LTA4H: variants seen among roughly 807,000 people sequenced by gnomAD.
LTA4H encodes leukotriene A-4 hydrolase.
A neutral mutation model predicts 89.8 loss-of-function variants in LTA4H; 59 were observed. That is an observed-to-expected ratio of 0.66 (90% CI 0.53 to 0.82). The LOEUF is 0.82. Among genes scored for constraint, LTA4H ranks in the 40% least tolerant of loss-of-function variants. The pLI is 0.00. For missense variants in LTA4H, 617 were observed against 727.0 expected, an observed-to-expected ratio of 0.85 and a Z score of 1.74; for synonymous variants, 227 against 253.1, an observed-to-expected ratio of 0.90 and a Z score of 0.98.
intron 12 of LTA4H, 158 bp from the exon 13 acceptor site, chr12:96,014,011 A>C: frequency 1.9e-6 from 1 of 527,488 alleles, no homozygotes; most frequent in South Asian, 2.8e-5. Flanking sequence ...TGTTCAAAAA[A>C]GGAGGTGGGA....
In LTA4H at chr12:96,022,313, A is replaced by G; in HGVS notation, c.481-62T>C. On this transcript the variant is annotated intron_variant, in intron 4 of 18. Coordinates refer to ENST00000228740, the MANE Select transcript of LTA4H (RefSeq NM_000895.3). The surrounding 1 kb of genome is among the most constrained non-coding windows in gnomAD (Gnocchi z 4.0). ...AAAGCTTCTATGTGTCTTAAACCAT[A>G]TATGTAAAATAACCTTTTCTTCCCA... The G allele has an allele frequency of 9.5e-7, 1 of 1,055,972 alleles. No individual in the cohort carries two copies. The highest frequency in any genetic ancestry group is 1.4e-6 in the Non-Finnish European group (1 of 697,550). 65.4% of individuals were successfully genotyped at this position (1,055,972 alleles called of 1,614,324 possible).
chr12:96,037,797 G>A (rs903630768), upstream of LTA4H, among the ~76,000 whole-genome samples: 1 of 145,646 alleles, frequency 6.9e-6, no homozygotes, highest in South Asian at 2.2e-4. Context: ...GGTTCACACC[G>A]TTCTCCTGCC....
At chr12:96,017,523 G>A (rs1950395847) in intron 9 of LTA4H, 34 bp downstream of exon 9, 1 of 1,583,360 alleles carries the variant, frequency 6.3e-7, no homozygotes, top group Non-Finnish European at 8.7e-7. Context: ...AATACTTCTT[G>A]AAGGTAAGGC....
At chr12:96,034,327 C>G (rs994284634) in intron 1 of LTA4H, among the ~76,000 whole-genome samples, 1 of 152,092 alleles carries the variant, frequency 6.6e-6, no homozygotes, top group African/African-American at 2.4e-5. Context: ...TGAAAGGTAC[C>G]TTCAGATGAA....
chr12:96,004,067 C>T (rs1188624173), intron 16 of LTA4H, 147 bp from the exon 17 acceptor site: 3 of 401,044 alleles, frequency 7.5e-6, no homozygotes, highest in Non-Finnish European at 1.3e-5. Context: ...AAACAAATTG[C>T]ACACTAAGTA....
At chr12:96,016,679 T>C (rs1290660655) in intron 10 of LTA4H, among the ~76,000 whole-genome samples, 2 of 151,846 alleles carry the variant, frequency 1.3e-5, no homozygotes, top group African/African-American at 4.8e-5. Context: ...GGTGGGTGGA[T>C]TGCCTGAGCT....
rs141144742 is a variant in LTA4H at position 96,002,302 on chromosome 12, C to T, written c.1718+658G>A. 8.5e-3 allele frequency among the ~76,000 whole-genome samples: 1,289 copies of T among 152,158 alleles called. 22 individuals carry two copies. Among genetic ancestry groups the T allele is most frequent in the African/African-American group, 0.029 (1,209 of 41,518 alleles). ...AAAAAGAGATAATGACTTATTTTGC[C>T]AAGTTTTATGATATTATATGGCCAT... is the stretch of plus-strand genomic sequence containing the variant. On this transcript the variant is annotated intron_variant, in intron 18 of 18. Transcript: ENST00000228740.
chr12:96,035,238 G>C, intron 1 of LTA4H, 123 bp downstream of exon 1: 1 of 960,406 alleles, frequency 1.0e-6, no homozygotes, highest in Non-Finnish European at 1.5e-6. Context: ...AAGAGCAGAC[G>C]GGGACGTGGG....
chr12:96,011,016 A>T (rs1368821188), intron 14 of LTA4H: 1 of 152,234 alleles, frequency 6.6e-6, no homozygotes, highest in African/African-American at 2.4e-5. Context: ...CTCTCTTTAC[A>T]GAATTCCCGG....
At chr12:96,005,237 C>T (rs1950179482) in intron 16 of LTA4H, among the ~76,000 whole-genome samples, 1 of 152,100 alleles carries the variant, frequency 6.6e-6, no homozygotes, top group Admixed American at 6.5e-5. Context: ...TCACAGAGCT[C>T]TGTGCTTTCA....
At chr12:96,026,621 A>C (rs904392906) in intron 3 of LTA4H, among the ~76,000 whole-genome samples, 2 of 152,224 alleles carry the variant, frequency 1.3e-5, no homozygotes, top group African/African-American at 4.8e-5. Context: ...GGCCATAGAA[A>C]GTAAACAGGT....
rs1447625745 is a variant in LTA4H at position 96,029,242 on chromosome 12, A to T, written c.160-57T>A. 4 of 975,002 alleles carry T rather than the reference A, an allele frequency of 4.1e-6. No homozygotes were observed. In the East Asian group the frequency reaches 1.1e-4, roughly 27 times the overall value. 60.4% of individuals were successfully genotyped at this position (975,002 alleles called of 1,614,324 possible). A position where few individuals can be genotyped will look rare whatever the true frequency, so the allele number is the denominator to read the frequency against. On this transcript the variant is annotated intron_variant, in intron 1 of 18. Transcript: ENST00000228740. ...TAGTTTCATTTACCAGAAAAAACTC[A>T]TATTAGATATAGGCTACAACAACTA...
chr12:96,036,493 C>T (rs1950648719), upstream of LTA4H, among the ~76,000 whole-genome samples: 1 of 152,164 alleles, frequency 6.6e-6, no homozygotes, highest in South Asian at 2.1e-4. Context: ...AAAGCATGGT[C>T]AGACTCATGT....
At chr12:96,013,905 A>G in intron 12 of LTA4H, 52 bp from the exon 13 acceptor site, 5 of 828,308 alleles carry the variant, frequency 6.0e-6, no homozygotes, top group Non-Finnish European at 1.0e-5. Context: ...ATTATTTGAC[A>G]TTTTGTGTGC....
Position 96,035,562 on chromosome 12 carries a change from C to A in LTA4H, c.-43G>T. 2.6e-6 allele frequency: 4 copies of A among 1,554,350 alleles called. No homozygotes were observed. The highest frequency in any genetic ancestry group is 1.2e-5 in the South Asian group (1 of 85,024). ...CAGCACAGCGACCTACAGCCCAACG[C>A]TCAGCTACCAGACTCGTCGATAGAG... is the stretch of plus-strand genomic sequence containing the variant. On this transcript the variant is annotated 5_prime_UTR_variant, in exon 1 of 19. Transcript: ENST00000228740.
At chr12:96,036,031 T>C (rs1383402942), upstream of LTA4H, among the ~76,000 whole-genome samples, 1 of 152,160 alleles carries the variant, frequency 6.6e-6, no homozygotes, top group Non-Finnish European at 1.5e-5. Flanking sequence ...TCCTCGTTAG[T>C]ATAGTGGTGA....
At chr12:96,008,475 A>G (rs1464551115) in intron 15 of LTA4H, among the ~76,000 whole-genome samples, 2 of 152,188 alleles carry the variant, frequency 1.3e-5, no homozygotes, top group African/African-American at 4.8e-5. Context: ...TGAAATTGCC[A>G]TATTGGAAGC....
In LTA4H at chr12:96,022,286, T is replaced by C. The variant is rs1408234018; in HGVS notation, c.481-35A>G. 1.5e-5 allele frequency: 20 copies of C among 1,354,546 alleles called. No individual in the cohort carries two copies. Among genetic ancestry groups the C allele is most frequent in the Non-Finnish European group, 2.0e-5 (19 of 948,846 alleles). The allele number at this position is 1,354,546 out of a possible 1,614,324, so 83.9% of individuals were successfully genotyped here. On this transcript the variant is annotated intron_variant, in intron 4 of 18. Coordinates refer to ENST00000228740, the MANE Select transcript of LTA4H (RefSeq NM_000895.3). The surrounding 1 kb of genome is among the most constrained non-coding windows in gnomAD (Gnocchi z 4.0). ...GAGAAAAATCATTTCTAGTCATAAA[T>C]AAAAGCTTCTATGTGTCTTAAACCA... is the stretch of plus-strand genomic sequence containing the variant.
chr12:96,022,288 A>G lies in LTA4H; in HGVS notation c.481-37T>C, dbSNP rs1162299199. On this transcript the variant is annotated intron_variant, in intron 4 of 18. Transcript: ENST00000228740. This position sits in a 1 kb window ranked among gnomAD's most constrained non-coding sequence, Gnocchi z 4.0. The stretch of plus-strand genomic sequence containing the variant: ...GAAAAATCATTTCTAGTCATAAATA[A>G]AAGCTTCTATGTGTCTTAAACCATA... 2 of 1,360,462 alleles carry G rather than the reference A, an allele frequency of 1.5e-6. No individual in the cohort carries two copies. The highest frequency in any genetic ancestry group is 2.1e-6 in the Non-Finnish European group (2 of 954,000). 84.3% of individuals were successfully genotyped at this position (1,360,462 alleles called of 1,614,324 possible).
Sources: allele counts gnomAD v4.1 joint callset (sites outside exome capture counted in the v4.1 genomes callset), GRCh38; gene constraint gnomAD v4.1.1; non-coding constraint Gnocchi (gnomAD v3.1); transcripts MANE v1.5; gene names NCBI Gene and HGNC (gene_info 2026-07-23, HGNC 2026-07-21).